The following CSMD2 variants were observed in gnomAD, a reference collection of about 807,000 sequenced individuals.
CSMD2 encodes CUB and Sushi multiple domains 2.
In CSMD2, 130 loss-of-function variants were observed where a neutral mutation model predicts 398.5. The ratio of observed to expected loss-of-function variants is 0.33; its 90% CI spans 0.28 to 0.38. CSMD2 has a LOEUF of 0.38. Among genes scored for constraint, CSMD2 ranks in the 10% least tolerant of loss-of-function variants. The probability of loss-of-function intolerance (pLI) is 1.00; values close to 1 mark genes in which losing one functional copy is unlikely to be tolerated. For synonymous variants in CSMD2, 1,828 were observed against 1,908.5 expected (o/e 0.96, Z 1.10); for missense variants, 3,829 against 4,764.9 (o/e 0.80, Z 5.78).
At position 33,605,423 on chromosome 1, in the gene CSMD2, T is replaced by C. The variant is rs1302967002; in HGVS notation, c.6391A>G (p.Ile2131Val). 2 of 1,614,070 alleles carry C rather than the reference T, an allele frequency of 1.2e-6. No homozygotes were observed. Among genetic ancestry groups the C allele is most frequent in the South Asian group, 1.1e-5 (1 of 91,092 alleles). The change falls in exon 42 of 71, where the codon ATT becomes GTT. Residue 2131 changes from isoleucine (I) to valine (V), a missense_variant. Transcript: ENST00000373381. ...ACGTTGTAGCCAGCTCCCCTCACAA[T>C]GCCATTGGCAAAGGGCTCTGGGTCT... The part of the protein sequence containing the change: ...CPDPEPFANG[I>V]VRGAGYNVGQ...
rs191816310 is a variant in CSMD2, at chr1:33,706,820, G to A, written c.3576+2269C>T. 8.6e-5 allele frequency among the ~76,000 whole-genome samples: 13 copies of A among 151,352 alleles called. No individual in the cohort carries two copies. The East Asian group carries it at 1.4e-3, about 16-fold the overall frequency. ...TGTGTGCGCGTGCATGTGTTTGTGC[G>A]TGCGTGTGTATGTGTGTGTGCGTGT... On this transcript the variant is annotated intron_variant, in intron 22 of 70. Coordinates refer to ENST00000373381, the MANE Select transcript of CSMD2 (RefSeq NM_001281956.2).
At chr1:33,878,522 C>T (rs182444979) in intron 5 of CSMD2, among the ~76,000 whole-genome samples, 1 of 152,236 alleles carries the variant, frequency 6.6e-6, no homozygotes, top group African/African-American at 2.4e-5. Context: ...TATTGTGACA[C>T]AGCACAGCCA....
chr1:33,904,608 C>T (rs1373432174), intron 5 of CSMD2, among the ~76,000 whole-genome samples: 1 of 152,132 alleles, frequency 6.6e-6, no homozygotes, highest in East Asian at 1.9e-4. Context: ...AGCCAATGTG[C>T]TTAATGCTAC....
intron 56 of CSMD2, among the ~76,000 whole-genome samples, chr1:33,549,340 C>A (rs893304287): frequency 2.0e-5 from 3 of 152,186 alleles, no homozygotes; most frequent in Admixed American, 6.5e-5. Flanking sequence ...GCTGCACAAG[C>A]AGCTCCCTCT....
chr1:33,517,790 CT>C (rs1653895869), intron 70 of CSMD2, among the ~76,000 whole-genome samples: 1 of 152,184 alleles, frequency 6.6e-6, no homozygotes. Context: ...CCATCTGGGA[CT>C]CAGGCTGAAA....
At chr1:33,713,552 C>T (rs55662169) in intron 21 of CSMD2, among the ~76,000 whole-genome samples, 8,197 of 152,222 alleles carry the variant, frequency 0.054, 272 homozygotes, top group East Asian at 0.11. Flanking sequence ...AGCAATCACT[C>T]CGCCCTGGGG....
At chr1:33,602,341 T>C (rs908253317) in intron 43 of CSMD2, 28 bp downstream of exon 43, 1 of 1,611,894 alleles carries the variant, frequency 6.2e-7, no homozygotes, top group African/African-American at 1.3e-5. Flanking sequence ...TCCTTTCTAA[T>C]TGGCTGTTGA....
At position 33,519,366 on chromosome 1, in the gene CSMD2, CTA is replaced by C. The variant is rs967286435; in HGVS notation, c.*53+97_*53+98del. 1.5e-6 allele frequency: 1 copy of C among 687,638 alleles called. No homozygotes were observed. Among genetic ancestry groups the C allele is most frequent in the Non-Finnish European group, 2.5e-6 (1 of 401,728 alleles). The allele number at this position is 687,638 out of a possible 1,614,324, so 42.6% of individuals were successfully genotyped here. On this transcript the variant is annotated intron_variant, in intron 70 of 70. Transcript: ENST00000373381. This position sits in a 1 kb window ranked among gnomAD's most constrained non-coding sequence, Gnocchi z 5.6. Reference sequence around the variant, plus strand: ...ACAGCTCTCCTCTTACTGGGTGTGTCTATGTGGTGTGTGCGACTCCGTTGGGT... The same window carrying C: ...ACAGCTCTCCTCTTACTGGGTGTGTCTGTGGTGTGTGCGACTCCGTTGGGT...
chr1:34,052,083 A>G (rs1653237612), intron 2 of CSMD2, among the ~76,000 whole-genome samples: 1 of 151,802 alleles, frequency 6.6e-6, no homozygotes, highest in African/African-American at 2.4e-5. Context: ...TTACATTATC[A>G]GCTTTCCTGG....
chr1:33,586,959 G>T, intron 45 of CSMD2, 129 bp downstream of exon 45: 1 of 675,318 alleles, frequency 1.5e-6, no homozygotes. Flanking sequence ...TCTGGCACAG[G>T]GCCTACTGTT....
At chr1:33,536,324 C>T (rs1252212205) in intron 62 of CSMD2, among the ~76,000 whole-genome samples, 4 of 152,122 alleles carry the variant, frequency 2.6e-5, no homozygotes, top group African/African-American at 9.7e-5. Context: ...CCTGGGTCCA[C>T]GCCATTCTCC....
At chr1:34,052,924 C>G (rs918519891) in intron 2 of CSMD2, among the ~76,000 whole-genome samples, 1 of 152,020 alleles carries the variant, frequency 6.6e-6, no homozygotes, top group Non-Finnish European at 1.5e-5. Flanking sequence ...GTGACCTGCT[C>G]GAGAGCAGTG....
At chr1:33,831,419 T>C (rs1659542584) in intron 6 of CSMD2, among the ~76,000 whole-genome samples, 1 of 152,110 alleles carries the variant, frequency 6.6e-6, no homozygotes, top group South Asian at 2.1e-4. Context: ...CTAAGCTTCA[T>C]AAGTGAAGGA....
intron 12 of CSMD2, among the ~76,000 whole-genome samples, chr1:33,774,740 A>T (rs1651747079): frequency 6.6e-6 from 1 of 152,120 alleles, no homozygotes; most frequent in African/African-American, 2.4e-5. Context: ...TGAGGCTGTG[A>T]TTGGCTTAAG....
chr1:34,087,983 C>A (rs1485494244), intron 2 of CSMD2, among the ~76,000 whole-genome samples: 1 of 151,518 alleles, frequency 6.6e-6, no homozygotes, highest in Non-Finnish European at 1.5e-5. Flanking sequence ...GCCCCAGATG[C>A]CCCCCCGCCT....
intron 5 of CSMD2, among the ~76,000 whole-genome samples, chr1:33,894,263 C>T (rs892511322): frequency 5.3e-5 from 8 of 152,086 alleles, no homozygotes; most frequent in African/African-American, 9.7e-5. Context: ...TTTTGATACA[C>T]GTACACCTGT....
At chr1:33,658,231 C>T (rs184369823) in intron 26 of CSMD2, 94 bp from the exon 27 acceptor site, 23 of 1,064,470 alleles carry the variant, frequency 2.2e-5, no homozygotes, top group East Asian at 1.2e-4. Context: ...TGCCATCATC[C>T]GTGCATTGCC....
At chr1:33,657,894 G>T (rs761918042) in intron 27 of CSMD2, 52 bp downstream of exon 27, 3 of 1,534,358 alleles carry the variant, frequency 2.0e-6, no homozygotes, top group Non-Finnish European at 2.7e-6. Flanking sequence ...AGGTTCTGGA[G>T]CACACAACTG....
chr1:33,735,844 C>A (rs534231627), intron 15 of CSMD2, among the ~76,000 whole-genome samples: 20 of 152,130 alleles, frequency 1.3e-4, no homozygotes, highest in African/African-American at 4.3e-4. Flanking sequence ...AGAAAAAAAA[C>A]GGAAAAGACA....
Sources: gnomAD v4.1 joint callset for allele counts (sites outside exome capture counted in the v4.1 genomes callset) on GRCh38, gnomAD v4.1.1 for gene constraint, Gnocchi (gnomAD v3.1) non-coding constraint, MANE v1.5 for transcripts, NCBI Gene and HGNC (gene_info 2026-07-23, HGNC 2026-07-21) for gene names.